The following SLC1A2 variants were observed in gnomAD, a reference collection of about 807,000 sequenced individuals.
The protein encoded by SLC1A2 is solute carrier family 1 member 2, also known as excitatory amino acid transporter 2.
In SLC1A2, 15 loss-of-function variants were observed where a neutral mutation model predicts 48.8. The observed-to-expected ratio is 0.31, with a 90% CI of 0.21 to 0.47. The LOEUF (loss-of-function observed/expected upper bound fraction) is 0.47, where lower values mean the gene tolerates loss of function less well. Ranked by LOEUF, SLC1A2 falls within the 20% of genes least tolerant of loss-of-function variation. SLC1A2 has a pLI of 0.99. For synonymous variants in SLC1A2, 279 were observed against 272.6 expected (o/e 1.02, Z -0.23); for missense variants, 502 against 730.5 (o/e 0.69, Z 3.61).
At chr11:35,275,698 ATGTCACTGTAGGCTT>A (rs1850419172) in intron 9 of SLC1A2, among the ~76,000 whole-genome samples, 1 of 152,220 alleles carries the variant, frequency 6.6e-6, no homozygotes, top group South Asian at 2.1e-4. Flanking sequence ...GACACATTAA[ATGTCACTGTAGGCTT>A]TGTTTGGTTT....
chr11:35,332,404 G>C (rs1852459634), intron 1 of SLC1A2, among the ~76,000 whole-genome samples: 1 of 152,234 alleles, frequency 6.6e-6, no homozygotes, highest in South Asian at 2.1e-4. Flanking sequence ...GCTGAGGATA[G>C]TTTCTCGCCG....
At chr11:35,269,822 C>T (rs1210318676) in intron 9 of SLC1A2, among the ~76,000 whole-genome samples, 2 of 152,158 alleles carry the variant, frequency 1.3e-5, no homozygotes, top group Non-Finnish European at 2.9e-5. Context: ...AGAATAAAAG[C>T]AGACTGGCCG....
At chr11:35,323,059 C>T (rs2134940209) in intron 1 of SLC1A2, 1 of 404,888 alleles carries the variant, frequency 2.5e-6, no homozygotes, top group East Asian at 5.0e-5. Flanking sequence ...GTGACAGCCT[C>T]CAAAGTCTCC....
chr11:35,260,736 C>T lies in SLC1A2; in HGVS notation c.*158G>A. 1 of 626,294 alleles carries T rather than the reference C, an allele frequency of 1.6e-6. No homozygotes were observed. The highest frequency in any genetic ancestry group is 2.8e-6 in the Non-Finnish European group (1 of 351,426). The allele number at this position is 626,294 out of a possible 1,614,324, so 38.8% of individuals were successfully genotyped here. A position where few individuals can be genotyped will look rare whatever the true frequency, so the allele number is the denominator to read the frequency against. On this transcript the variant is annotated 3_prime_UTR_variant, in exon 11 of 11. Transcript: ENST00000278379. ...AAAGACACAGCACCGTGCCTGTCAT[C>T]ACTGACTCACAAGAGCTCCTCTAAG...
chr11:35,367,427 T>C (rs910591968), intron 1 of SLC1A2, among the ~76,000 whole-genome samples: 1 of 152,228 alleles, frequency 6.6e-6, no homozygotes, highest in African/African-American at 2.4e-5. Flanking sequence ...GATCTGATCC[T>C]GAGCTTAAGT....
chr11:35,363,479 G>T (rs759228025), intron 1 of SLC1A2, among the ~76,000 whole-genome samples: 12 of 152,074 alleles, frequency 7.9e-5, no homozygotes, highest in Non-Finnish European at 1.5e-4. Context: ...CTCATTTGGG[G>T]TACAGGACCA....
intron 1 of SLC1A2, among the ~76,000 whole-genome samples, chr11:35,377,877 G>A (rs182970941): frequency 8.5e-4 from 130 of 152,290 alleles, no homozygotes; most frequent in African/African-American, 3.0e-3. Flanking sequence ...AAAATTGCAA[G>A]CATTCTTTTT....
intron 4 of SLC1A2, among the ~76,000 whole-genome samples, chr11:35,309,081 C>A (rs2134847678): frequency 6.6e-6 from 1 of 152,306 alleles, no homozygotes; most frequent in African/African-American, 2.4e-5. Context: ...CTTTCCCCAG[C>A]TCTTTGTAGG....
chr11:35,373,144 C>G lies in SLC1A2; in HGVS notation c.17+45806G>C, dbSNP rs116485305. The stretch of plus-strand genomic sequence containing the variant: ...CATGTGTGGGGCACTGGGGCACCTT[C>G]TCTCAGAGATGGTGACTTGATAAAG... On this transcript the variant is annotated intron_variant, in intron 1 of 10. Transcript: ENST00000278379. Among the ~76,000 whole-genome samples the G allele has an allele frequency of 7.2e-3, 1,099 of 152,334 alleles. 17 individuals are homozygous for G. Among genetic ancestry groups the G allele is most frequent in the African/African-American group, 0.025 (1,031 of 41,586 alleles).
In SLC1A2 at chr11:35,390,975, A is replaced by G. The variant is rs555177623; in HGVS notation, c.17+27975T>C. On this transcript the variant is annotated intron_variant, in intron 1 of 10. Transcript: ENST00000278379. ...GCCACCACGCCCGGGCATAAAATCT[A>G]TTCTTAAAACTAATTTCACCTGTTT... 2.6e-5 allele frequency: 4 copies of G among 152,214 alleles called. No homozygotes were observed. In the South Asian group the frequency reaches 8.3e-4, roughly 32 times the overall value. 9.4% of individuals were successfully genotyped at this position (152,214 alleles called of 1,614,324 possible).
chr11:35,409,324 C>T (rs909973456), intron 1 of SLC1A2, among the ~76,000 whole-genome samples: 9 of 152,172 alleles, frequency 5.9e-5, no homozygotes, highest in African/African-American at 2.2e-4. Flanking sequence ...CAGGTAAGGA[C>T]TCCATGGGAA....
chr11:35,313,121 C>CG (rs1851758305), intron 3 of SLC1A2, among the ~76,000 whole-genome samples: 2 of 151,910 alleles, frequency 1.3e-5, no homozygotes, highest in African/African-American at 2.4e-5. Flanking sequence ...TTTTATGAAG[C>CG]GATGCTGCTG....
At chr11:35,369,117 G>C (rs757093948) in intron 1 of SLC1A2, among the ~76,000 whole-genome samples, 1 of 152,070 alleles carries the variant, frequency 6.6e-6, no homozygotes, top group Non-Finnish European at 1.5e-5. Flanking sequence ...TTCCCTTCCC[G>C]AGGCTTCTCC....
At chr11:35,381,268 G>A (rs34057298) in intron 1 of SLC1A2, among the ~76,000 whole-genome samples, 16,609 of 152,126 alleles carry the variant, frequency 0.11, 1,050 homozygotes, top group Middle Eastern at 0.15. Context: ...TGTGGCTGAA[G>A]CCCAGCCAAT....
chr11:35,381,659 A>C (rs1854427345), intron 1 of SLC1A2, among the ~76,000 whole-genome samples: 1 of 152,012 alleles, frequency 6.6e-6, no homozygotes, highest in Non-Finnish European at 1.5e-5. Context: ...ACTCATGCCT[A>C]CCCTGCTGGT....
chr11:35,336,208 A>G (rs1852625997), intron 1 of SLC1A2, among the ~76,000 whole-genome samples: 1 of 152,164 alleles, frequency 6.6e-6, no homozygotes, highest in Non-Finnish European at 1.5e-5. Context: ...AAAATAGCTA[A>G]TGCATGCTGG....
intron 1 of SLC1A2, among the ~76,000 whole-genome samples, chr11:35,330,699 A>T (rs1245088599): frequency 6.6e-6 from 1 of 152,184 alleles, no homozygotes; most frequent in East Asian, 1.9e-4. Context: ...GAACTGAAGG[A>T]TGGCAGCATG....
intron 9 of SLC1A2, among the ~76,000 whole-genome samples, chr11:35,277,540 T>TG (rs1214198167): frequency 1.3e-5 from 2 of 152,154 alleles, no homozygotes; most frequent in Admixed American, 6.5e-5. Flanking sequence ...TGTATTATAA[T>TG]GGGGGGCAGC....
chr11:35,371,991 T>C (rs1167749843), intron 1 of SLC1A2, among the ~76,000 whole-genome samples: 1 of 152,200 alleles, frequency 6.6e-6, no homozygotes, highest in East Asian at 1.9e-4. Flanking sequence ...TCCTGGACAA[T>C]GCATGAAGAA....
Sources: allele counts gnomAD v4.1 joint callset (sites outside exome capture counted in the v4.1 genomes callset), GRCh38; gene constraint gnomAD v4.1.1; transcripts MANE v1.5; gene names NCBI Gene and HGNC (gene_info 2026-07-23, HGNC 2026-07-21).